The following MICOS10 variants were observed in gnomAD, a reference collection of about 807,000 sequenced individuals.
MICOS10 encodes the protein mitochondrial contact site and cristae organizing system subunit 10.
MICOS10 carries 5 observed loss-of-function variants against 13.4 expected under a neutral mutation model. That is an observed-to-expected ratio of 0.37 (90% CI 0.20 to 0.78). The LOEUF is 0.78. Among genes scored for constraint, MICOS10 ranks in the 30% least tolerant of loss-of-function variants. The pLI, the probability that MICOS10 is intolerant of heterozygous loss-of-function variation, is 0.47. For synonymous variants in MICOS10, 35 were observed against 33.6 expected (o/e 1.04, Z -0.15); for missense variants, 101 against 94.6 (o/e 1.07, Z -0.28).
At chr1:19,611,969 T>TAAAAAAAAA (rs2094864094) in intron 1 of MICOS10, among the ~76,000 whole-genome samples, 2 of 87,160 alleles carry the variant, frequency 2.3e-5, no homozygotes, top group African/African-American at 1.0e-4. Flanking sequence ...AGGCTCCATC[T>TAAAAAAAAA]CAAAAAAAAA....
At chr1:19,614,688 A>G (rs973261362) in intron 1 of MICOS10, 1 of 152,234 alleles carries the variant, frequency 6.6e-6, no homozygotes, top group African/African-American at 2.4e-5. Context: ...TTTCCAAGCA[A>G]TCCTACACAC....
At position 19,611,940 on chromosome 1, in the gene MICOS10, G is replaced by GTA. The variant is rs1179501568; in HGVS notation, c.65-10159_65-10158dup. ...TGAGCCAAGATCGCGCCAGTGTATT[G>GTA]TAGTCTGGTGACAGAGTGAGGCTCC... On this transcript the variant is annotated intron_variant, in intron 1 of 3. Coordinates refer to ENST00000322753, the MANE Select transcript of MICOS10 (RefSeq NM_001032363.4). Among the ~76,000 whole-genome samples the GTA allele has an allele frequency of 4.2e-5, 6 of 143,940 alleles. No individual in the cohort carries two copies. In the East Asian group the frequency reaches 1.2e-3, roughly 30 times the overall value. 94.4% of individuals were successfully genotyped at this position (143,940 alleles called of 152,430 possible).
At position 19,622,127 on chromosome 1, in the gene MICOS10, T is replaced by C; in HGVS notation, c.92T>C (p.Phe31Ser). The C allele has an allele frequency of 6.2e-7, 1 of 1,612,492 alleles. No individual in the cohort carries two copies. Among genetic ancestry groups the C allele is most frequent in the South Asian group, 1.1e-5 (1 of 90,936 alleles). Residue 31 changes from phenylalanine to serine, a missense_variant, in exon 2 of 4, where the codon TTC becomes TCC. Coordinates refer to ENST00000322753, the MANE Select transcript of MICOS10 (RefSeq NM_001032363.4). ...IGTGFGLGIV[F>S]SLTFFKRRMW... ...ACTGGTTTTGGATTAGGAATTGTTT[T>C]CTCACTTACCTTCTTTAAAAGTAAG...
In MICOS10 at chr1:19,623,455, T is replaced by C. The variant is rs369066437; in HGVS notation, c.113-19T>C. 5.1e-5 allele frequency: 77 copies of C among 1,513,062 alleles called. No homozygotes were observed. In the African/African-American group the frequency reaches 9.8e-4, roughly 19 times the overall value. 93.7% of individuals were successfully genotyped at this position (1,513,062 alleles called of 1,614,324 possible). A position where few individuals can be genotyped will look rare whatever the true frequency, so the allele number is the denominator to read the frequency against. On this transcript the variant is annotated intron_variant, in intron 2 of 3. Transcript: ENST00000322753. ...TCTTAATAATTCCCTATTGGGATTT[T>C]CCCTTTTTTGCTCACTAGGAAGAAT...
At chr1:19,617,830 C>T (rs1408680573) in intron 1 of MICOS10, among the ~76,000 whole-genome samples, 1 of 151,956 alleles carries the variant, frequency 6.6e-6, no homozygotes, top group Non-Finnish European at 1.5e-5. Context: ...CAAGACAACT[C>T]TAGGAAAATA....
At chr1:19,598,918 CTT>C (rs1342519286) in intron 1 of MICOS10, among the ~76,000 whole-genome samples, 1 of 151,878 alleles carries the variant, frequency 6.6e-6, no homozygotes, top group African/African-American at 2.4e-5. Context: ...TTTTAATTAA[CTT>C]ATTTTTTTTA....
At chr1:19,614,672 T>G (rs1304816895) in intron 1 of MICOS10, 1 of 152,280 alleles carries the variant, frequency 6.6e-6, no homozygotes, top group Admixed American at 6.5e-5. Flanking sequence ...AGCAAAATGC[T>G]CTTCCTTTCC....
At chr1:19,625,629 TCAGGTCTTTTG>T (rs1558349440) in intron 3 of MICOS10, 1 of 1,287,786 alleles carries the variant, frequency 7.8e-7, no homozygotes, top group South Asian at 1.2e-5. Context: ...CAGAGAAGCT[TCAGGTCTTTTG>T]CTTAAAACAT....
intron 1 of MICOS10, among the ~76,000 whole-genome samples, chr1:19,604,762 G>C (rs1180664451): frequency 6.6e-6 from 1 of 152,180 alleles, no homozygotes; most frequent in African/African-American, 2.4e-5. Flanking sequence ...CAGGTGAATA[G>C]GCACTGGCCC....
Position 19,611,469 on chromosome 1 carries a change from A to ATTTTTTTTTTT in MICOS10, c.65-10619_65-10609dup, listed in dbSNP as rs768118529. ...TTCTCTTTATTCCAGTTGCAACTTG[A>ATTTTTTTTTTT]TTTTTTTTTTTTTTTTTTTTTTGAG... is the stretch of plus-strand genomic sequence containing the variant. On this transcript the variant is annotated intron_variant, in intron 1 of 3. Coordinates refer to ENST00000322753, the MANE Select transcript of MICOS10 (RefSeq NM_001032363.4). Among the ~76,000 whole-genome samples, 186 of 90,300 alleles carry ATTTTTTTTTTT rather than the reference A, an allele frequency of 2.1e-3. 33 individuals are homozygous for ATTTTTTTTTTT. The highest frequency in any genetic ancestry group is 9.1e-3 in the African/African-American group (176 of 19,304). 59.2% of individuals were successfully genotyped at this position (90,300 alleles called of 152,430 possible).
intron 1 of MICOS10, among the ~76,000 whole-genome samples, chr1:19,606,820 T>TA (rs1329441912): frequency 1.3e-5 from 2 of 152,222 alleles, no homozygotes; most frequent in Admixed American, 6.5e-5. Flanking sequence ...GAATTAAAGT[T>TA]AACCAGCAGA....
At chr1:19,615,911 AT>A (rs533800704) in intron 1 of MICOS10, among the ~76,000 whole-genome samples, 6 of 148,512 alleles carry the variant, frequency 4.0e-5, no homozygotes, top group African/African-American at 4.9e-5. Flanking sequence ...TCTCCATTGA[AT>A]TTTTTTTTTT....
At chr1:19,621,752 G>T (rs1396532061) in intron 1 of MICOS10, among the ~76,000 whole-genome samples, 1 of 152,128 alleles carries the variant, frequency 6.6e-6, no homozygotes, top group Non-Finnish European at 1.5e-5. Flanking sequence ...TTTGGCTGTG[G>T]TATCCCTCTT....
At chr1:19,613,998 T>C (rs988431300) in intron 1 of MICOS10, among the ~76,000 whole-genome samples, 3 of 152,196 alleles carry the variant, frequency 2.0e-5, no homozygotes, top group African/African-American at 7.2e-5. Context: ...CATAAGTGCT[T>C]AGTGAATGCT....
intron 1 of MICOS10, chr1:19,608,541 A>T: frequency 1.0e-6 from 1 of 977,102 alleles, no homozygotes; most frequent in Non-Finnish European, 1.7e-6. Flanking sequence ...ACTCTCAGGA[A>T]GGGGGTCACC....
chr1:19,601,045 A>G (rs2094812349), intron 1 of MICOS10: 1 of 1,275,364 alleles, frequency 7.8e-7, no homozygotes, highest in Non-Finnish European at 1.0e-6. Flanking sequence ...TTATTTTCCC[A>G]CCTGTTTGCT....
intron 1 of MICOS10, among the ~76,000 whole-genome samples, chr1:19,612,039 TTTA>T (rs2094864715): frequency 6.6e-6 from 1 of 151,624 alleles, no homozygotes; most frequent in African/African-American, 2.4e-5. Context: ...GTTTTTTAAT[TTTA>T]TTATTCATTT....
intron 1 of MICOS10, chr1:19,608,383 C>G: frequency 8.0e-7 from 1 of 1,252,770 alleles, no homozygotes; most frequent in Non-Finnish European, 1.2e-6. Context: ...AGCTGGGTAT[C>G]ATTGCCCTAC....
At chr1:19,613,394 A>G (rs1212028118) in intron 1 of MICOS10, among the ~76,000 whole-genome samples, 1 of 152,238 alleles carries the variant, frequency 6.6e-6, no homozygotes, top group Non-Finnish European at 1.5e-5. Context: ...CATGGATGGC[A>G]TAAAAGGTTG....
Sources: gnomAD v4.1 joint callset for allele counts (sites outside exome capture counted in the v4.1 genomes callset) on GRCh38, gnomAD v4.1.1 for gene constraint, MANE v1.5 for transcripts, NCBI Gene and HGNC (gene_info 2026-07-23, HGNC 2026-07-21) for gene names.